THSD7B: variants seen among roughly 807,000 people sequenced by gnomAD.
THSD7B encodes thrombospondin type-1 domain-containing protein 7B.
Under a neutral mutation model 213.6 loss-of-function variants are expected in THSD7B, and 138 were observed. The ratio of observed to expected loss-of-function variants is 0.65; its 90% confidence interval spans 0.56 to 0.74. THSD7B has a LOEUF of 0.74. Among genes scored for constraint, THSD7B ranks in the 30% least tolerant of loss-of-function variants. The probability of loss-of-function intolerance (pLI) is 0.00; values close to 1 mark genes in which losing one functional copy is unlikely to be tolerated. For synonymous variants in THSD7B, 742 were observed against 687.0 expected (o/e 1.08, Z -1.25); for missense variants, 1,931 against 1,991.5 (o/e 0.97, Z 0.58).
intron 15 of THSD7B, among the ~76,000 whole-genome samples, chr2:137,537,964 C>T (rs16839083): frequency 4.6e-4 from 70 of 151,492 alleles, no homozygotes; most frequent in African/African-American, 1.6e-3. Flanking sequence ...AGTTGTAGTA[C>T]AGTTAAGGAG....
intron 2 of THSD7B, among the ~76,000 whole-genome samples, chr2:136,984,467 C>T (rs949088492): frequency 3.9e-5 from 6 of 152,178 alleles, no homozygotes; most frequent in Admixed American, 6.5e-5. Context: ...CCTGCTCTCA[C>T]CATGTGGTTT....
At chr2:137,633,602 A>G (rs1011690348) in intron 20 of THSD7B, among the ~76,000 whole-genome samples, 4 of 152,122 alleles carry the variant, frequency 2.6e-5, no homozygotes, top group African/African-American at 9.7e-5. Flanking sequence ...TCATTTCACA[A>G]AAAATATTTA....
intron 2 of THSD7B, among the ~76,000 whole-genome samples, chr2:136,921,702 A>G (rs555979828): frequency 1.3e-5 from 2 of 152,352 alleles, no homozygotes; most frequent in East Asian, 3.9e-4. Context: ...TAGCATGTTA[A>G]TGGAAAAATC....
chr2:137,070,492 A>T (rs1173833584), intron 3 of THSD7B, among the ~76,000 whole-genome samples: 1 of 152,098 alleles, frequency 6.6e-6, no homozygotes, highest in East Asian at 1.9e-4. Context: ...GTTGGATAAC[A>T]GGATAAATGC....
rs70978209 is a variant in THSD7B at position 137,237,113 on chromosome 2, C to CAA, written c.2150+4000_2150+4001dup. On this transcript the variant is annotated intron_variant, in intron 9 of 27. Coordinates refer to ENST00000409968, the MANE Select transcript of THSD7B (RefSeq NM_001316349.2). ...GGGCAATAAGAGAGAAACTCCGTCT[C>CAA]AAAAAAAAAAAAAAAAAAAAAGCTG... is the stretch of plus-strand genomic sequence containing the variant. Among the ~76,000 whole-genome samples the CAA allele has an allele frequency of 2.7e-3, 298 of 109,364 alleles. 4 individuals are homozygous for CAA. The highest frequency in any genetic ancestry group is 7.0e-3 in the East Asian group (29 of 4,130). The allele number at this position is 109,364 out of a possible 152,430, so 71.7% of individuals were successfully genotyped here. A position where few individuals can be genotyped will look rare whatever the true frequency, so the allele number is the denominator to read the frequency against.
At chr2:137,334,724 A>G (rs891285093) in intron 12 of THSD7B, among the ~76,000 whole-genome samples, 2 of 152,188 alleles carry the variant, frequency 1.3e-5, no homozygotes, top group Non-Finnish European at 1.5e-5. Flanking sequence ...ACAGTTAAAT[A>G]TGAATAGAAA....
intron 2 of THSD7B, among the ~76,000 whole-genome samples, chr2:136,917,274 A>C (rs1050609091): frequency 6.6e-6 from 1 of 152,190 alleles, no homozygotes; most frequent in Non-Finnish European, 1.5e-5. Flanking sequence ...CTAGTCCCCT[A>C]GTTCCTGTTA....
At chr2:137,177,274 C>CAA (rs1243897310) in intron 7 of THSD7B, among the ~76,000 whole-genome samples, 23 of 152,208 alleles carry the variant, frequency 1.5e-4, no homozygotes, top group African/African-American at 5.3e-4. Context: ...CATCTTGAGT[C>CAA]TTGTTTTTCA....
intron 1 of THSD7B, among the ~76,000 whole-genome samples, chr2:136,801,945 G>A (rs1339366315): frequency 2.6e-5 from 4 of 152,130 alleles, no homozygotes; most frequent in African/African-American, 9.6e-5. Context: ...TTATTGTGGG[G>A]AAATGGCTTA....
At chr2:137,409,178 G>T (rs1335655050) in intron 13 of THSD7B, among the ~76,000 whole-genome samples, 1 of 152,174 alleles carries the variant, frequency 6.6e-6, no homozygotes, top group Non-Finnish European at 1.5e-5. Flanking sequence ...TTTGTACTTT[G>T]AAAGCTGGCT....
intron 2 of THSD7B, among the ~76,000 whole-genome samples, chr2:136,970,792 CA>C (rs1685392402): frequency 6.6e-6 from 1 of 151,884 alleles, no homozygotes; most frequent in Non-Finnish European, 1.5e-5. Context: ...TAAAATCTTT[CA>C]AAAAGAAAGA....
At chr2:136,927,712 T>A (rs1684563780) in intron 2 of THSD7B, among the ~76,000 whole-genome samples, 1 of 152,188 alleles carries the variant, frequency 6.6e-6, no homozygotes, top group African/African-American at 2.4e-5. Flanking sequence ...ACAAGTAGAC[T>A]GTAGATAGTG....
At chr2:137,248,998 G>A (rs755496319) in intron 10 of THSD7B, among the ~76,000 whole-genome samples, 1 of 152,096 alleles carries the variant, frequency 6.6e-6, no homozygotes, top group African/African-American at 2.4e-5. Flanking sequence ...GGTGTAACTT[G>A]CTTCCTTTAG....
In THSD7B at chr2:137,056,809, C is replaced by G. The variant is rs776738321; in HGVS notation, c.529C>G (p.Pro177Ala). 6.2e-7 allele frequency: 1 copy of G among 1,613,884 alleles called. No individual in the cohort carries two copies. The highest frequency in any genetic ancestry group is 1.1e-5 in the South Asian group (1 of 91,076). The change falls in exon 3 of 28, where the codon CCC becomes GCC. Residue 177 changes from proline to alanine, a missense_variant. By Grantham distance (27) the Pro-to-Ala change is conservative. Coordinates refer to ENST00000409968, the MANE Select transcript of THSD7B (RefSeq NM_001316349.2). ...AGAACAGGCTTGCCTCATTCCTTGT[C>G]CCCGGGATTGTGTAGTATCTGAGTT... The part of the protein sequence containing the change: ...PTEQACLIPC[P>A]RDCVVSEFLP...
intron 16 of THSD7B, 100 bp downstream of exon 16, chr2:137,563,454 C>T: frequency 1.4e-6 from 2 of 1,422,428 alleles, no homozygotes; most frequent in Non-Finnish European, 1.9e-6. Context: ...CTCTGATTTT[C>T]ATAACATATA....
chr2:137,000,776 T>C (rs1685985582), intron 2 of THSD7B, among the ~76,000 whole-genome samples: 1 of 152,142 alleles, frequency 6.6e-6, no homozygotes, highest in African/African-American at 2.4e-5. Flanking sequence ...GCATTTTTGA[T>C]CATTAATTAG....
intron 2 of THSD7B, among the ~76,000 whole-genome samples, chr2:136,935,597 T>A (rs1684709951): frequency 6.6e-6 from 1 of 152,040 alleles, no homozygotes; most frequent in African/African-American, 2.4e-5. Flanking sequence ...ATGAAAAAAA[T>A]CCATGGATTA....
intron 5 of THSD7B, among the ~76,000 whole-genome samples, chr2:137,137,429 C>T (rs988148302): frequency 5.3e-5 from 8 of 152,156 alleles, no homozygotes; most frequent in Non-Finnish European, 1.2e-4. Flanking sequence ...CAATGACAAA[C>T]CACAAATGAG....
chr2:137,078,814 T>TC (rs1687684239), intron 3 of THSD7B, among the ~76,000 whole-genome samples: 1 of 152,170 alleles, frequency 6.6e-6, no homozygotes, highest in Non-Finnish European at 1.5e-5. Flanking sequence ...TACTTTTTTT[T>TC]CCCAAAAATT....
Sources: allele counts gnomAD v4.1 joint callset (sites outside exome capture counted in the v4.1 genomes callset), GRCh38; gene constraint gnomAD v4.1.1; transcripts MANE v1.5; gene names NCBI Gene and HGNC (gene_info 2026-07-23, HGNC 2026-07-21).